IMPG1: variants seen among roughly 807,000 people sequenced by gnomAD.
IMPG1 encodes interphotoreceptor matrix proteoglycan of 150 kDa.
Under a neutral mutation model 92.0 loss-of-function variants are expected in IMPG1, and 85 were observed. The observed-to-expected ratio is 0.92, with a 90% CI of 0.78 to 1.11. IMPG1 has a LOEUF of 1.11. Among genes scored for constraint, IMPG1 ranks in the 50% least tolerant of loss-of-function variants. The pLI is 0.00. For missense variants in IMPG1, 1,022 were observed against 956.0 expected, an observed-to-expected ratio of 1.07 and a Z score of -0.91; for synonymous variants, 367 against 334.1, an observed-to-expected ratio of 1.10 and a Z score of -1.08.
intron 2 of IMPG1, among the ~76,000 whole-genome samples, chr6:76,038,411 T>C (rs1423887873): frequency 6.6e-6 from 1 of 152,184 alleles, no homozygotes; most frequent in Non-Finnish European, 1.5e-5. Context: ...GGGCAGGCTT[T>C]CTTTTTTTGT....
At position 75,944,693 on chromosome 6, in the gene IMPG1, C is replaced by T. The variant is rs187904024; in HGVS notation, c.2044+2621G>A. ...TATGAACTATAAGTTCACCGAAGTG[C>T]TTAGTGTAACATTCAGTGGCTTTTG... is the stretch of plus-strand genomic sequence containing the variant. On this transcript the variant is annotated intron_variant, in intron 14 of 16. Coordinates refer to ENST00000369950, the MANE Select transcript of IMPG1 (RefSeq NM_001563.4). Among the ~76,000 whole-genome samples, 78 of 152,342 alleles carry T rather than the reference C, an allele frequency of 5.1e-4. 1 individual carries two copies. The highest frequency in any genetic ancestry group is 6.8e-3 in the Middle Eastern group (2 of 294).
intron 12 of IMPG1, among the ~76,000 whole-genome samples, chr6:75,954,588 C>A (rs1299666943): frequency 2.0e-5 from 3 of 152,092 alleles, no homozygotes; most frequent in Admixed American, 6.6e-5. Flanking sequence ...ATGATAGTTT[C>A]TTTTGCTGTG....
chr6:76,058,828 C>A (rs1582136053), intron 1 of IMPG1, among the ~76,000 whole-genome samples: 1 of 152,190 alleles, frequency 6.6e-6, no homozygotes, highest in African/African-American at 2.4e-5. Flanking sequence ...TCTAATAAAA[C>A]TTGTAGGCTC....
chr6:75,995,342 C>G (rs1401253337), intron 12 of IMPG1, among the ~76,000 whole-genome samples: 2 of 152,184 alleles, frequency 1.3e-5, no homozygotes, highest in Non-Finnish European at 2.9e-5. Flanking sequence ...TTTCTTAAAA[C>G]CTTTTAGTGA....
intron 12 of IMPG1, among the ~76,000 whole-genome samples, chr6:75,995,902 C>G (rs1782892168): frequency 1.3e-5 from 2 of 152,200 alleles, no homozygotes; most frequent in South Asian, 4.1e-4. Flanking sequence ...TTGGGGGAAC[C>G]CAAATCATGA....
intron 2 of IMPG1, among the ~76,000 whole-genome samples, chr6:76,038,056 A>C (rs1270415038): frequency 2.0e-5 from 3 of 152,210 alleles, no homozygotes; most frequent in Non-Finnish European, 4.4e-5. Flanking sequence ...AGACAGATGT[A>C]TACAGAAGTT....
chr6:76,040,737 A>G (rs1259555422), intron 2 of IMPG1, among the ~76,000 whole-genome samples: 1 of 152,248 alleles, frequency 6.6e-6, no homozygotes, highest in African/African-American at 2.4e-5. Flanking sequence ...TGAGACACAT[A>G]AGGAATATAA....
intron 1 of IMPG1, among the ~76,000 whole-genome samples, chr6:76,047,657 GAC>G (rs1447050736): frequency 6.6e-6 from 1 of 152,160 alleles, no homozygotes; most frequent in East Asian, 1.9e-4. Context: ...TTTTGTACAT[GAC>G]AGAGATGCAA....
chr6:75,964,841 T>C lies in IMPG1; in HGVS notation c.1292-13747A>G, dbSNP rs941118398. Among the ~76,000 whole-genome samples the C allele has an allele frequency of 5.3e-5, 8 of 152,188 alleles. 1 individual carries two copies. The highest frequency in any genetic ancestry group is 4.6e-4 in the Admixed American group (7 of 15,274). On this transcript the variant is annotated intron_variant, in intron 12 of 16. Coordinates refer to ENST00000369950, the MANE Select transcript of IMPG1 (RefSeq NM_001563.4). ...TCCCATCATCACAAGGATTCCTTCA[T>C]GTTGCCCTTTTACAGTCACCTCTAC...
intron 12 of IMPG1, among the ~76,000 whole-genome samples, chr6:75,969,353 A>G (rs1000661596): frequency 2.0e-5 from 3 of 152,222 alleles, no homozygotes; most frequent in African/African-American, 7.2e-5. Context: ...TTCATACATT[A>G]TTAGCCCAAA....
chr6:76,061,670 AT>A (rs1784208096), intron 1 of IMPG1, among the ~76,000 whole-genome samples: 1 of 152,222 alleles, frequency 6.6e-6, no homozygotes, highest in East Asian at 1.9e-4. Context: ...GATAAACATT[AT>A]TTCCATTTTA....
intron 1 of IMPG1, among the ~76,000 whole-genome samples, chr6:76,050,900 C>G (rs189197323): frequency 1.3e-5 from 2 of 152,122 alleles, no homozygotes; most frequent in African/African-American, 4.8e-5. Context: ...GGTAGCATTG[C>G]TATGAAAGCA....
intron 11 of IMPG1, among the ~76,000 whole-genome samples, chr6:76,003,520 A>G (rs1783037103): frequency 6.6e-6 from 1 of 152,214 alleles, no homozygotes; most frequent in South Asian, 2.1e-4. Flanking sequence ...TCATGTTTAT[A>G]TATATTTCTG....
Position 76,034,329 on chromosome 6 carries a change from T to C in IMPG1, c.483A>G (p.Arg161=), listed in dbSNP as rs1314125137. ...LDLLQQRIKQ[R]SFPDRKDEIS... ...TGGGTACTTGCCTGTCAGGGAAACT[T>C]CTCTGTTTTATTCTCTGCAAAAAGA... The change falls in exon 4 of 17, where the codon AGA becomes AGG. Residue 161 remains arginine, a synonymous_variant. Coordinates refer to ENST00000369950, the MANE Select transcript of IMPG1 (RefSeq NM_001563.4). The C allele has an allele frequency of 6.2e-7, 1 of 1,613,416 alleles. No homozygotes were observed. The highest frequency in any genetic ancestry group is 2.2e-5 in the East Asian group (1 of 44,856).
chr6:76,036,754 C>T (rs535503683), intron 2 of IMPG1, among the ~76,000 whole-genome samples: 5 of 142,950 alleles, frequency 3.5e-5, no homozygotes, highest in African/African-American at 1.3e-4. Context: ...AATTTGCTCA[C>T]GTATCTGTTA....
chr6:76,017,159 G>T (rs1188288541), intron 7 of IMPG1, among the ~76,000 whole-genome samples: 1 of 150,770 alleles, frequency 6.6e-6, no homozygotes, highest in Non-Finnish European at 1.5e-5. Context: ...GAGTGAAAAG[G>T]AGGGGGATGA....
At chr6:75,995,548 C>T (rs1460207517) in intron 12 of IMPG1, among the ~76,000 whole-genome samples, 1 of 152,170 alleles carries the variant, frequency 6.6e-6, no homozygotes, top group Non-Finnish European at 1.5e-5. Flanking sequence ...TCTTGTCGTT[C>T]AGATCTCAGT....
intron 12 of IMPG1, among the ~76,000 whole-genome samples, chr6:75,992,112 T>C (rs1435575017): frequency 6.6e-6 from 1 of 152,240 alleles, no homozygotes; most frequent in East Asian, 1.9e-4. Context: ...GGAAAAAGAC[T>C]GATGTCTGCA....
At chr6:76,043,036 A>G (rs1485869909) in intron 1 of IMPG1, among the ~76,000 whole-genome samples, 2 of 152,124 alleles carry the variant, frequency 1.3e-5, no homozygotes, top group Admixed American at 1.3e-4. Context: ...ACAGTGTAGT[A>G]AGATCTAAGT....
Sources: gnomAD v4.1 joint callset for allele counts (sites outside exome capture counted in the v4.1 genomes callset) on GRCh38, gnomAD v4.1.1 for gene constraint, MANE v1.5 for transcripts, NCBI Gene and HGNC (gene_info 2026-07-23, HGNC 2026-07-21) for gene names.